The following NCS1 variants were observed in gnomAD, a reference collection of about 807,000 sequenced individuals.
The protein encoded by NCS1 is frequenin homolog.
A neutral mutation model predicts 28.4 loss-of-function variants in NCS1; 6 were observed. The ratio of observed to expected loss-of-function variants is 0.21; its 90% confidence interval spans 0.12 to 0.42. The LOEUF (loss-of-function observed/expected upper bound fraction) is 0.42, where lower values mean the gene tolerates loss of function less well. Among genes scored for constraint, NCS1 ranks in the 10% least tolerant of loss-of-function variants. The pLI is 1.00. For synonymous variants in NCS1, 86 were observed against 99.3 expected (o/e 0.87, Z 0.79); for missense variants, 131 against 241.4 (o/e 0.54, Z 3.03).
At position 130,189,897 on chromosome 9, in the gene NCS1, T is replaced by C. The variant is rs1329815515; in HGVS notation, c.65-11061T>C. Among the ~76,000 whole-genome samples, 10 of 130,996 alleles carry C rather than the reference T, an allele frequency of 7.6e-5. No individual in the cohort carries two copies. The East Asian group carries it at 2.1e-3, about 27-fold the overall frequency. The allele number at this position is 130,996 out of a possible 152,430, so 85.9% of individuals were successfully genotyped here. On this transcript the variant is annotated intron_variant, in intron 1 of 7. Transcript: ENST00000372398. ...AAAAAAAAATATATATATATATATA[T>C]ATATATATATATTCCCAAGGTCTCG...
At chr9:130,199,240 C>T (rs1015754212) in intron 1 of NCS1, among the ~76,000 whole-genome samples, 7 of 152,060 alleles carry the variant, frequency 4.6e-5, no homozygotes, top group Non-Finnish European at 1.0e-4. Flanking sequence ...ACTACAGGAG[C>T]GTGCCACCAT....
intron 2 of NCS1, among the ~76,000 whole-genome samples, chr9:130,212,477 C>A (rs1467540974): frequency 6.8e-6 from 1 of 147,672 alleles, no homozygotes; most frequent in East Asian, 2.0e-4. Flanking sequence ...TCAGGAGTGC[C>A]GGGGTGGGGA....
At chr9:130,205,427 C>G (rs1460766816) in intron 2 of NCS1, among the ~76,000 whole-genome samples, 4 of 151,712 alleles carry the variant, frequency 2.6e-5, no homozygotes, top group African/African-American at 9.7e-5. Flanking sequence ...ACCTATAGTC[C>G]CAGCTACTCA....
Position 130,192,632 on chromosome 9 carries a change from C to G in NCS1, c.65-8326C>G, listed in dbSNP as rs935528857. Among the ~76,000 whole-genome samples the G allele has an allele frequency of 2.2e-4, 33 of 152,096 alleles. No homozygotes were observed. The highest frequency in any genetic ancestry group is 8.0e-4 in the African/African-American group (33 of 41,410). ...CAGGAGCAAAGGTGGGCAGCCAGGA[C>G]TCCCTGCCCACCCAGGAACACCAGC... On this transcript the variant is annotated intron_variant, in intron 1 of 7. Coordinates refer to ENST00000372398, the MANE Select transcript of NCS1 (RefSeq NM_014286.4). The surrounding 1 kb of genome is among the most constrained non-coding windows in gnomAD (Gnocchi z 4.8).
At chr9:130,230,180 G>T (rs1338858533) in intron 7 of NCS1, among the ~76,000 whole-genome samples, 3 of 152,050 alleles carry the variant, frequency 2.0e-5, no homozygotes, top group African/African-American at 4.8e-5. Flanking sequence ...GTGAAACCCC[G>T]TCTCTACAAA....
chr9:130,222,204 G>C (rs1833339658), intron 4 of NCS1, among the ~76,000 whole-genome samples: 3 of 150,156 alleles, frequency 2.0e-5, no homozygotes, highest in African/African-American at 7.4e-5. Context: ...ACCCAGGCTG[G>C]AGTGCAGTGG....
intron 2 of NCS1, among the ~76,000 whole-genome samples, chr9:130,208,131 C>T (rs1406290523): frequency 1.4e-5 from 2 of 147,608 alleles, no homozygotes; most frequent in Non-Finnish European, 3.0e-5. Flanking sequence ...AGGGTACACA[C>T]CGTCATCGGG....
At position 130,192,127 on chromosome 9, in the gene NCS1, G is replaced by C. The variant is rs1487788371; in HGVS notation, c.65-8831G>C. On this transcript the variant is annotated intron_variant, in intron 1 of 7. Coordinates refer to ENST00000372398, the MANE Select transcript of NCS1 (RefSeq NM_014286.4). This position sits in a 1 kb window ranked among gnomAD's most constrained non-coding sequence, Gnocchi z 4.8. Reference sequence around the variant, plus strand: ...CCCAGCTGCCCTTTAGCCAGGCAGTGGTGGCAGACAGGTATGGGATTGGGA... The same window carrying C: ...CCCAGCTGCCCTTTAGCCAGGCAGTCGTGGCAGACAGGTATGGGATTGGGA... 4.6e-5 allele frequency among the ~76,000 whole-genome samples: 7 copies of C among 152,172 alleles called. No homozygotes were observed. The highest frequency in any genetic ancestry group is 8.8e-5 in the Non-Finnish European group (6 of 68,018).
Position 130,177,299 on chromosome 9 carries a change from C to T in NCS1, c.64+4572C>T, listed in dbSNP as rs143566224. ...TCTAGGGTGAGGAATATTCTCTGAT[C>T]ATCACTCCCCACCCAACTCTGCTCA... On this transcript the variant is annotated intron_variant, in intron 1 of 7. Transcript: ENST00000372398. This position sits in a 1 kb window ranked among gnomAD's most constrained non-coding sequence, Gnocchi z 4.4. 1.3e-5 allele frequency among the ~76,000 whole-genome samples: 2 copies of T among 152,254 alleles called. No individual in the cohort carries two copies. The highest frequency in any genetic ancestry group is 3.9e-4 in the East Asian group (2 of 5,166).
chr9:130,184,051 C>T (rs781829685), intron 1 of NCS1, among the ~76,000 whole-genome samples: 2 of 152,052 alleles, frequency 1.3e-5, no homozygotes, highest in Non-Finnish European at 2.9e-5. Flanking sequence ...ACCTCATTAT[C>T]CACCCGCCTC....
chr9:130,173,945 C>T (rs1002336084), intron 1 of NCS1, among the ~76,000 whole-genome samples: 11 of 152,198 alleles, frequency 7.2e-5, no homozygotes, highest in Non-Finnish European at 1.3e-4. Context: ...CTTTCCTGAG[C>T]GGGTGCTAGT....
At chr9:130,190,173 A>G (rs944366149) in intron 1 of NCS1, among the ~76,000 whole-genome samples, 2 of 152,116 alleles carry the variant, frequency 1.3e-5, no homozygotes, top group Non-Finnish European at 1.5e-5. Flanking sequence ...CTAAAACAAG[A>G]ACATGCATTC....
intron 2 of NCS1, among the ~76,000 whole-genome samples, chr9:130,217,461 G>A (rs1833206067): frequency 6.6e-6 from 1 of 152,176 alleles, no homozygotes; most frequent in African/African-American, 2.4e-5. Context: ...GAGGTGGGAG[G>A]GTCTTGTGCA....
intron 1 of NCS1, among the ~76,000 whole-genome samples, chr9:130,197,398 T>C (rs1588114383): frequency 2.0e-5 from 3 of 152,276 alleles, no homozygotes; most frequent in African/African-American, 4.8e-5. Context: ...AAGGTGATCT[T>C]GGAAGAGTTG....
chr9:130,173,199 T>TGTGG (rs1554904280), intron 1 of NCS1, among the ~76,000 whole-genome samples: 41 of 119,828 alleles, frequency 3.4e-4, no homozygotes, highest in African/African-American at 1.2e-3. Flanking sequence ...CCCGTTCGTG[T>TGTGG]GGGGGGGGGG....
chr9:130,173,205 G>GGA (rs1397063369), intron 1 of NCS1, among the ~76,000 whole-genome samples: 5 of 151,888 alleles, frequency 3.3e-5, no homozygotes, highest in African/African-American at 1.2e-4. Context: ...CGTGTGGGGG[G>GGA]GGGGGTGGCG....
rs370911031 is a variant in NCS1, at chr9:130,219,801, G to A, written c.305G>A (p.Arg102Gln). The A allele has an allele frequency of 6.2e-5, 100 of 1,614,186 alleles. No homozygotes were observed. The Admixed American group carries it at 7.2e-4, about 12-fold the overall frequency. ...TSRGTLDEKL[R>Q]WAFKLYDLDN... ...CGGGGAACCCTGGATGAGAAGCTAC[G>A]GTGTAAGTCCTGCCCCCTTGGCCCT... Residue 102 changes from arginine (R) to glutamine (Q), a missense_variant and splice_region_variant, in exon 4 of 8, where the codon CGG (arginine) becomes CAG (glutamine). Around this residue, in one of 2 missense-constraint regions of NCS1, gnomAD observed 100 missense variants for 210.3 expected, o/e 0.48. Transcript: ENST00000372398. This position sits in a 1 kb window ranked among gnomAD's most constrained non-coding sequence, Gnocchi z 5.7.
At chr9:130,173,205 G>T (rs1052165796) in intron 1 of NCS1, among the ~76,000 whole-genome samples, 9 of 152,002 alleles carry the variant, frequency 5.9e-5, no homozygotes, top group Non-Finnish European at 8.8e-5. Flanking sequence ...CGTGTGGGGG[G>T]GGGGGTGGCG....
intron 1 of NCS1, among the ~76,000 whole-genome samples, chr9:130,178,608 AC>A (rs1554904847): frequency 1.4e-4 from 21 of 152,022 alleles, no homozygotes; most frequent in African/African-American, 5.1e-4. Flanking sequence ...AGGAATTTGG[AC>A]ATTATTCGAG....
Sources: gnomAD v4.1 joint callset for allele counts (sites outside exome capture counted in the v4.1 genomes callset) on GRCh38, gnomAD v4.1.1 for gene constraint, gnomAD v4.1.1 regional missense constraint, Gnocchi (gnomAD v3.1) non-coding constraint, MANE v1.5 for transcripts, NCBI Gene and HGNC (gene_info 2026-07-23, HGNC 2026-07-21) for gene names.